Variants in CRIM1 observed in about 807,000 individuals in gnomAD.
CRIM1 encodes cysteine rich transmembrane BMP regulator 1, also known as cysteine-rich motor neuron 1 protein.
A neutral mutation model predicts 116.4 loss-of-function variants in CRIM1; 32 were observed. The observed-to-expected ratio is 0.27, with a 90% confidence interval of 0.21 to 0.37. The LOEUF (loss-of-function observed/expected upper bound fraction) is 0.37. Ranked by LOEUF, CRIM1 falls within the 10% of genes least tolerant of loss-of-function variation. The pLI, the probability that CRIM1 is intolerant of heterozygous loss-of-function variation, is 1.00. For synonymous variants in CRIM1, 590 were observed against 509.2 expected (o/e 1.16, Z -2.13); for missense variants, 1,331 against 1,354.8 (o/e 0.98, Z 0.28).
chr2:36,474,152 T>C (rs1306118464), intron 5 of CRIM1, among the ~76,000 whole-genome samples: 1 of 152,192 alleles, frequency 6.6e-6, no homozygotes, highest in Admixed American at 6.5e-5. Flanking sequence ...TTTGAAGAAG[T>C]GTCTGTTCAA....
rs1468049508 is a variant in CRIM1 at position 36,521,987 on chromosome 2, A to T, written c.2207-105A>T. On this transcript the variant is annotated intron_variant, in intron 12 of 16. Transcript: ENST00000280527. ...TTGTTACTGCGTCATGTATTTAAGG[A>T]GGCACCGAAAGCCATCATGACTGGG... The T allele has an allele frequency of 1.2e-5, 10 of 839,778 alleles. No homozygotes were observed. In the Admixed American group the frequency reaches 1.9e-4, roughly 16 times the overall value. The allele number at this position is 839,778 out of a possible 1,614,324, so 52.0% of individuals were successfully genotyped here. A position where few individuals can be genotyped will look rare whatever the true frequency, so the allele number is the denominator to read the frequency against.
intron 1 of CRIM1, among the ~76,000 whole-genome samples, chr2:36,386,079 G>C (rs1193313513): frequency 1.3e-5 from 2 of 152,116 alleles, no homozygotes; most frequent in African/African-American, 4.8e-5. Context: ...CACACTTTTG[G>C]ATGTGTGCAA....
chr2:36,487,811 A>G lies in CRIM1; in HGVS notation c.1372+8117A>G, dbSNP rs11888819. Among the ~76,000 whole-genome samples the G allele has an allele frequency of 2.6e-5, 4 of 152,036 alleles. No homozygotes were observed. The East Asian group carries it at 7.7e-4, about 29-fold the overall frequency. On this transcript the variant is annotated intron_variant, in intron 7 of 16. Transcript: ENST00000280527. Reference sequence around the variant, plus strand: ...CCTGGTGTGTTTATAAAAAAAATCAATTCACCTACTACATAGTATTTTTAT... The same window carrying G: ...CCTGGTGTGTTTATAAAAAAAATCAGTTCACCTACTACATAGTATTTTTAT...
At chr2:36,379,764 TAAA>T (rs1670593824) in intron 1 of CRIM1, among the ~76,000 whole-genome samples, 3 of 146,316 alleles carry the variant, frequency 2.1e-5, no homozygotes, top group Admixed American at 6.8e-5. Flanking sequence ...TTTTTTTTTT[TAAA>T]GAAAAGCAAT....
intron 2 of CRIM1, among the ~76,000 whole-genome samples, chr2:36,400,939 C>A (rs567389311): frequency 2.0e-5 from 3 of 151,998 alleles, no homozygotes; most frequent in African/African-American, 7.3e-5. Flanking sequence ...AGGGACTCTT[C>A]TTTGAGTAGT....
intron 1 of CRIM1, among the ~76,000 whole-genome samples, chr2:36,372,636 A>G (rs62134623): frequency 0.05 from 7,650 of 152,296 alleles, 261 homozygotes; most frequent in Middle Eastern, 0.095. Context: ...ACTTTAGTCA[A>G]TGTGCCCATT....
At chr2:36,389,609 C>G in intron 1 of CRIM1, among the ~76,000 whole-genome samples, 1 of 152,072 alleles carries the variant, frequency 6.6e-6, no homozygotes, top group Middle Eastern at 3.4e-3. Context: ...TAATAGGATG[C>G]AGCCATCTCT....
intron 13 of CRIM1, among the ~76,000 whole-genome samples, chr2:36,531,340 A>G (rs1181078424): frequency 6.6e-6 from 1 of 152,002 alleles, no homozygotes; most frequent in Non-Finnish European, 1.5e-5. Context: ...TTTGGTTTTT[A>G]TATCCTTCCA....
chr2:36,362,303 G>A (rs934638481), intron 1 of CRIM1, among the ~76,000 whole-genome samples: 2 of 152,148 alleles, frequency 1.3e-5, no homozygotes, highest in Non-Finnish European at 2.9e-5. Flanking sequence ...GGCTCTGGTG[G>A]CAAAGCAGAA....
chr2:36,515,506 T>A (rs1392132032), intron 11 of CRIM1, among the ~76,000 whole-genome samples: 1 of 152,242 alleles, frequency 6.6e-6, no homozygotes, highest in African/African-American at 2.4e-5. Context: ...AGCTGTTGCA[T>A]TCACGGACTC....
At chr2:36,455,607 A>G (rs1053435269) in intron 4 of CRIM1, among the ~76,000 whole-genome samples, 1 of 152,170 alleles carries the variant, frequency 6.6e-6, no homozygotes, top group Admixed American at 6.5e-5. Flanking sequence ...TGCATGAGAG[A>G]GGAAAGCAAC....
At chr2:36,502,316 C>G (rs915215023) in intron 8 of CRIM1, among the ~76,000 whole-genome samples, 1 of 152,148 alleles carries the variant, frequency 6.6e-6, no homozygotes, top group Non-Finnish European at 1.5e-5. Context: ...CAAGTTGAGA[C>G]TATAAGGAGG....
At chr2:36,497,030 C>G (rs1680650147) in intron 7 of CRIM1, among the ~76,000 whole-genome samples, 1 of 150,684 alleles carries the variant, frequency 6.6e-6, no homozygotes, top group East Asian at 1.9e-4. Flanking sequence ...AAATTCCATA[C>G]TACCCTATGA....
intron 7 of CRIM1, among the ~76,000 whole-genome samples, chr2:36,492,980 G>T (rs1680338225): frequency 6.6e-6 from 1 of 152,136 alleles, no homozygotes; most frequent in South Asian, 2.1e-4. Flanking sequence ...TTACAAAGAA[G>T]AGCTATGTAA....
At chr2:36,383,668 G>C (rs1670954048) in intron 1 of CRIM1, among the ~76,000 whole-genome samples, 1 of 152,176 alleles carries the variant, frequency 6.6e-6, no homozygotes, top group South Asian at 2.1e-4. Flanking sequence ...CTTAGGATAA[G>C]GGAAGTGCTG....
chr2:36,405,345 G>A (rs977332635), intron 2 of CRIM1, among the ~76,000 whole-genome samples: 8 of 152,166 alleles, frequency 5.3e-5, no homozygotes, highest in Non-Finnish European at 2.9e-5. Context: ...TTCAGCTGTA[G>A]CAAGAAACCT....
At chr2:36,445,584 G>A (rs1246932956) in intron 4 of CRIM1, among the ~76,000 whole-genome samples, 1 of 152,200 alleles carries the variant, frequency 6.6e-6, no homozygotes, top group African/African-American at 2.4e-5. Context: ...CTAAAGGTCA[G>A]GAATTGTGTC....
At chr2:36,479,724 G>T (rs376527424) in intron 7 of CRIM1, 30 bp downstream of exon 7, 3 of 1,596,384 alleles carry the variant, frequency 1.9e-6, no homozygotes, top group Non-Finnish European at 2.6e-6. Context: ...ATGAGTCCCT[G>T]GTGAATGTCT....
chr2:36,473,258 C>T (rs969930303), intron 5 of CRIM1, among the ~76,000 whole-genome samples: 13 of 152,206 alleles, frequency 8.5e-5, no homozygotes, highest in Non-Finnish European at 1.2e-4. Flanking sequence ...ACAGAAGAGC[C>T]CTTGAAAGAT....
Sources: allele counts gnomAD v4.1 joint callset (sites outside exome capture counted in the v4.1 genomes callset), GRCh38; gene constraint gnomAD v4.1.1; transcripts MANE v1.5; gene names NCBI Gene and HGNC (gene_info 2026-07-23, HGNC 2026-07-21).